The following PRKCH variants were observed in gnomAD, a reference collection of about 807,000 sequenced individuals.
PRKCH encodes the protein protein kinase C eta.
In PRKCH, 28 loss-of-function variants were observed where a neutral mutation model predicts 82.5. That is an observed-to-expected ratio of 0.34 (90% CI 0.25 to 0.47). The LOEUF (loss-of-function observed/expected upper bound fraction) is 0.47, where lower values mean the gene tolerates loss of function less well. Among genes scored for constraint, PRKCH ranks in the 20% least tolerant of loss-of-function variants. The probability of loss-of-function intolerance (pLI) is 1.00; values close to 1 mark genes in which losing one functional copy is unlikely to be tolerated. For missense variants in PRKCH, 705 were observed against 881.8 expected (o/e 0.80, Z 2.54); for synonymous variants, 322 against 327.4 (o/e 0.98, Z 0.18).
intron 1 of PRKCH, among the ~76,000 whole-genome samples, chr14:61,253,691 T>C (rs2044969015): frequency 6.6e-6 from 1 of 152,216 alleles, no homozygotes; most frequent in Non-Finnish European, 1.5e-5. Flanking sequence ...ATATAATGCC[T>C]AATTATACTG....
chr14:61,319,946 C>G (rs1420812249), upstream of PRKCH, among the ~76,000 whole-genome samples: 2 of 152,214 alleles, frequency 1.3e-5, no homozygotes, highest in Non-Finnish European at 2.9e-5. Flanking sequence ...TATTACGGGT[C>G]AGGCCTCCTT....
chr14:61,543,813 C>A (rs1304949040), intron 12 of PRKCH: 1 of 152,252 alleles, frequency 6.6e-6, no homozygotes, highest in Non-Finnish European at 1.5e-5. Context: ...GCAGTAGGAA[C>A]AGAGAGTTTA....
intron 1 of PRKCH, among the ~76,000 whole-genome samples, chr14:61,193,741 C>A (rs142888832): frequency 6.6e-6 from 1 of 152,106 alleles, no homozygotes; most frequent in African/African-American, 2.4e-5. Flanking sequence ...GAAATCTGCT[C>A]AAAAAGGAGG....
rs181327595 is a variant in PRKCH at position 61,254,290 on chromosome 14, A to T, written c.-19+66622A>T. 1.6e-4 allele frequency among the ~76,000 whole-genome samples: 25 copies of T among 152,254 alleles called. No individual in the cohort carries two copies. In the East Asian group the frequency reaches 3.7e-3, roughly 22 times the overall value. On this transcript the variant is annotated intron_variant, in intron 1 of 3. Transcript: ENST00000555185. The stretch of plus-strand genomic sequence containing the variant: ...CTGAAATATTGATTTATGCCTTTCC[A>T]ATCTTAAAAGACAGAAAAAGTCGTG...
intron 1 of PRKCH, among the ~76,000 whole-genome samples, chr14:61,223,226 A>T (rs780161809): frequency 3.3e-5 from 5 of 152,192 alleles, no homozygotes; most frequent in Non-Finnish European, 7.3e-5. Flanking sequence ...GGAATCCCAC[A>T]ACACTGGGAG....
At chr14:61,216,758 A>G (rs2044619127) in intron 1 of PRKCH, among the ~76,000 whole-genome samples, 1 of 152,244 alleles carries the variant, frequency 6.6e-6, no homozygotes, top group Admixed American at 6.5e-5. Context: ...ACATGAGAGA[A>G]AGAGCTTTCA....
rs140094976 is a variant in PRKCH at position 61,231,455 on chromosome 14, C to G, written c.-19+43787C>G. 3.3e-3 allele frequency among the ~76,000 whole-genome samples: 500 copies of G among 151,470 alleles called. 4 individuals carry two copies. The highest frequency in any genetic ancestry group is 0.012 in the African/African-American group (475 of 41,268). On this transcript the variant is annotated intron_variant, in intron 1 of 3. Transcript: ENST00000555185. ...TCGGCTCACTGCAAGCTCTGCCTCC[C>G]GGGTTCACGCCATTCTCCTGCCTCA...
chr14:61,258,594 A>G (rs1229633358), intron 1 of PRKCH, among the ~76,000 whole-genome samples: 1 of 152,164 alleles, frequency 6.6e-6, no homozygotes, highest in Non-Finnish European at 1.5e-5. Flanking sequence ...TCAAATAACC[A>G]TTTTTACTTT....
intron 1 of PRKCH, among the ~76,000 whole-genome samples, chr14:61,265,591 A>G (rs1314779330): frequency 6.6e-6 from 1 of 152,226 alleles, no homozygotes; most frequent in Admixed American, 6.5e-5. Flanking sequence ...ACCCAGGATC[A>G]CCACCTCCCA....
At chr14:61,333,099 T>C (rs2045811105) in intron 1 of PRKCH, among the ~76,000 whole-genome samples, 1 of 152,226 alleles carries the variant, frequency 6.6e-6, no homozygotes, top group Non-Finnish European at 1.5e-5. Context: ...ATAAACAGAA[T>C]ACATTTATTT....
chr14:61,518,139 G>A (rs2042853000), intron 10 of PRKCH, among the ~76,000 whole-genome samples: 1 of 152,184 alleles, frequency 6.6e-6, no homozygotes, highest in South Asian at 2.1e-4. Flanking sequence ...TCCAGTCTGT[G>A]CTATCAGAGC....
intron 10 of PRKCH, 46 bp downstream of exon 10, chr14:61,485,702 C>T: frequency 1.3e-6 from 2 of 1,575,568 alleles, no homozygotes; most frequent in African/African-American, 1.4e-5. Flanking sequence ...TGCCTCTTCC[C>T]TCTCCTGGTA....
intron 1 of PRKCH, among the ~76,000 whole-genome samples, chr14:61,331,754 A>G (rs2045792247): frequency 6.6e-6 from 1 of 152,194 alleles, no homozygotes; most frequent in Non-Finnish European, 1.5e-5. Flanking sequence ...TCCATGTGTT[A>G]GGCAATCACA....
intron 1 of PRKCH, among the ~76,000 whole-genome samples, chr14:61,241,625 G>C (rs1327018416): frequency 1.3e-5 from 2 of 152,154 alleles, no homozygotes; most frequent in Middle Eastern, 3.2e-3. Context: ...AGCACAATGG[G>C]TTTTCAAGGC....
chr14:61,494,627 G>A (rs115162349), intron 10 of PRKCH, among the ~76,000 whole-genome samples: 1,613 of 152,314 alleles, frequency 0.011, 22 homozygotes, highest in African/African-American at 0.036. Flanking sequence ...AAGTGGAAAT[G>A]CGAATGCTTT....
At chr14:61,388,415 G>T (rs903480035) in intron 1 of PRKCH, among the ~76,000 whole-genome samples, 5 of 152,178 alleles carry the variant, frequency 3.3e-5, no homozygotes, top group Admixed American at 2.6e-4. Context: ...GGAATCTCCT[G>T]CTGTCTGTCA....
At chr14:61,481,392 C>T (rs1227240186) in intron 9 of PRKCH, among the ~76,000 whole-genome samples, 2 of 152,158 alleles carry the variant, frequency 1.3e-5, no homozygotes, top group African/African-American at 4.8e-5. Flanking sequence ...CCTCAGGCAG[C>T]AGAAAGGCCA....
intron 1 of PRKCH, among the ~76,000 whole-genome samples, chr14:61,309,895 A>G (rs2045508157): frequency 1.3e-5 from 2 of 152,146 alleles, no homozygotes; most frequent in African/African-American, 4.8e-5. Context: ...GAAACTTACA[A>G]TCATGGCAGA....
chr14:61,531,104 G>A (rs768496733), intron 12 of PRKCH, among the ~76,000 whole-genome samples: 6 of 152,162 alleles, frequency 3.9e-5, no homozygotes, highest in Non-Finnish European at 7.3e-5. Context: ...TATGAAAGCC[G>A]GGTGCCACGC....
Sources: allele counts gnomAD v4.1 joint callset (sites outside exome capture counted in the v4.1 genomes callset), GRCh38; gene constraint gnomAD v4.1.1; transcripts MANE v1.5; gene names NCBI Gene and HGNC (gene_info 2026-07-23, HGNC 2026-07-21).